SCD5: variants seen among roughly 807,000 people sequenced by gnomAD.
SCD5 encodes the protein acyl-CoA-desaturase 4.
In SCD5, 20 loss-of-function variants were observed where a neutral mutation model predicts 30.4. The ratio of observed to expected loss-of-function variants is 0.66; its 90% CI spans 0.46 to 0.96. The LOEUF is 0.96. Among genes scored for constraint, SCD5 ranks in the 40% least tolerant of loss-of-function variants. SCD5 has a pLI of 0.00. For synonymous variants in SCD5, 173 were observed against 176.4 expected (o/e 0.98, Z 0.16); for missense variants, 381 against 443.3 (o/e 0.86, Z 1.26).
chr4:82,655,358 A>C (rs947987186), intron 3 of SCD5, among the ~76,000 whole-genome samples: 2 of 152,202 alleles, frequency 1.3e-5, no homozygotes, highest in Non-Finnish European at 2.9e-5. Context: ...TATCACCAGC[A>C]GATGGTATTA....
At chr4:82,759,283 C>G (rs1721296954) in intron 1 of SCD5, among the ~76,000 whole-genome samples, 1 of 152,222 alleles carries the variant, frequency 6.6e-6, no homozygotes, top group South Asian at 2.1e-4. Context: ...ATCTTGAAGG[C>G]TGGAGGAAGG....
chr4:82,698,590 C>CA (rs747228539), intron 2 of SCD5, among the ~76,000 whole-genome samples: 1 of 152,244 alleles, frequency 6.6e-6, no homozygotes, highest in Non-Finnish European at 1.5e-5. Flanking sequence ...CTCTGCCTGA[C>CA]AGAGCCTTGC....
At chr4:82,721,827 A>T (rs1197852543) in intron 1 of SCD5, among the ~76,000 whole-genome samples, 1 of 152,250 alleles carries the variant, frequency 6.6e-6, no homozygotes, top group African/African-American at 2.4e-5. Flanking sequence ...AACTAATACA[A>T]ATGCTAAAAT....
intron 1 of SCD5, among the ~76,000 whole-genome samples, chr4:82,745,311 A>C (rs984081970): frequency 6.6e-6 from 1 of 152,126 alleles, no homozygotes; most frequent in African/African-American, 2.4e-5. Context: ...TCATGGGGAG[A>C]CTCAAAAGTC....
intron 3 of SCD5, among the ~76,000 whole-genome samples, chr4:82,640,581 G>T (rs968104921): frequency 6.6e-6 from 1 of 152,320 alleles, no homozygotes; most frequent in East Asian, 1.9e-4. Flanking sequence ...TCTGGATGCT[G>T]AACACAGTCT....
At position 82,726,469 on chromosome 4, in the gene SCD5, G is replaced by C. The variant is rs17006173; in HGVS notation, c.233-21056C>G. 2.0e-5 allele frequency among the ~76,000 whole-genome samples: 3 copies of C among 148,836 alleles called. No homozygotes were observed. In the East Asian group the frequency reaches 5.8e-4, roughly 29 times the overall value. On this transcript the variant is annotated intron_variant, in intron 1 of 4. Transcript: ENST00000319540. ...TTGGATTTTTACAGCAAGGTTAATC[G>C]GGACTTTATCAACTGGGCAAACTTG...
In SCD5 at chr4:82,798,317, G is replaced by C; in HGVS notation, c.221C>G (p.Thr74Ser). The change falls in exon 1 of 5, where the codon ACT becomes AGT. Residue 74 changes from threonine (T) to serine (S), a missense_variant. Physicochemically the swap from Thr to Ser is moderately conservative, Grantham distance 58. Coordinates refer to ENST00000319540, the MANE Select transcript of SCD5 (RefSeq NM_001037582.3). Reference sequence around the variant, plus strand: ...CCGGCGGGACTTACCCCAGAGCAGAGTGAGTGGCTTGGCTTTGGGGATGAG... The same window carrying C: ...CCGGCGGGACTTACCCCAGAGCAGACTGAGTGGCTTGGCTTTGGGGATGAG... ...LVLIPKAKPL[T>S]LLWAYFCFLL... is the part of the protein sequence containing the mutation. The C allele has an allele frequency of 6.2e-7, 1 of 1,610,406 alleles. No individual in the cohort carries two copies. The highest frequency in any genetic ancestry group is 8.5e-7 in the Non-Finnish European group (1 of 1,178,624).
At chr4:82,654,561 AG>A (rs1053933312) in intron 3 of SCD5, among the ~76,000 whole-genome samples, 1 of 152,198 alleles carries the variant, frequency 6.6e-6, no homozygotes, top group African/African-American at 2.4e-5. Flanking sequence ...CAAAGCAAAA[AG>A]GGGAGAATGT....
At chr4:82,717,326 G>A (rs1578035488) in intron 1 of SCD5, among the ~76,000 whole-genome samples, 1 of 151,632 alleles carries the variant, frequency 6.6e-6, no homozygotes, top group Non-Finnish European at 1.5e-5. Context: ...GAGGTGAAAT[G>A]GGGAAGAGCA....
intron 3 of SCD5, among the ~76,000 whole-genome samples, chr4:82,674,970 G>A (rs1421449944): frequency 6.6e-6 from 1 of 152,110 alleles, no homozygotes; most frequent in African/African-American, 2.4e-5. Context: ...GGGCTTGGGG[G>A]AAGAGAGCGA....
At chr4:82,704,497 T>C (rs1286701200) in intron 2 of SCD5, among the ~76,000 whole-genome samples, 1 of 152,196 alleles carries the variant, frequency 6.6e-6, no homozygotes, top group Non-Finnish European at 1.5e-5. Context: ...AGGTGGGGAA[T>C]GGTCTAGGAC....
chr4:82,648,641 A>G (rs1727680153), intron 3 of SCD5, among the ~76,000 whole-genome samples: 1 of 152,038 alleles, frequency 6.6e-6, no homozygotes, highest in African/African-American at 2.4e-5. Context: ...TACTTATTAA[A>G]TTTTGCTGGC....
At chr4:82,663,430 C>T (rs1728068244) in intron 3 of SCD5, among the ~76,000 whole-genome samples, 1 of 152,146 alleles carries the variant, frequency 6.6e-6, no homozygotes, top group African/African-American at 2.4e-5. Context: ...AGTGGAGACC[C>T]AGGACCCCCT....
Position 82,712,579 on chromosome 4 carries a change from G to A in SCD5, c.233-7166C>T, listed in dbSNP as rs1466953831. ...GAGCTGCCCGCCTTGGCCTCCAAAA[G>A]TGCTGGGATTACAGGCGTGAGCCAC... On this transcript the variant is annotated intron_variant, in intron 1 of 4. Transcript: ENST00000319540. 5.3e-5 allele frequency among the ~76,000 whole-genome samples: 8 copies of A among 151,650 alleles called. No homozygotes were observed. In the South Asian group the frequency reaches 1.7e-3, roughly 32 times the overall value.
chr4:82,705,222 C>T lies in SCD5; in HGVS notation c.363+61G>A. On this transcript the variant is annotated intron_variant, in intron 2 of 4. Coordinates refer to ENST00000319540, the MANE Select transcript of SCD5 (RefSeq NM_001037582.3). ...GGAGGGGTGTCAGCCCATCTTTCCC[C>T]TCCTCCCATACTGCCATCTGCACTG... The T allele has an allele frequency of 3.1e-6, 5 of 1,589,378 alleles. No individual in the cohort carries two copies. The East Asian group carries it at 6.7e-5, about 21-fold the overall frequency.
At chr4:82,749,664 G>A (rs181539494) in intron 1 of SCD5, among the ~76,000 whole-genome samples, 4 of 152,272 alleles carry the variant, frequency 2.6e-5, no homozygotes, top group South Asian at 2.1e-4. Flanking sequence ...AAACCATATC[G>A]TGAAACTAGA....
chr4:82,705,190 CA>C, intron 2 of SCD5, 92 bp downstream of exon 2: 1 of 1,493,628 alleles, frequency 6.7e-7, no homozygotes, highest in Non-Finnish European at 9.2e-7. Flanking sequence ...GAGTCTAGGA[CA>C]GGGGTGGAGG....
chr4:82,638,291 A>G (rs1727474404), intron 3 of SCD5, among the ~76,000 whole-genome samples: 1 of 152,014 alleles, frequency 6.6e-6, no homozygotes, highest in Non-Finnish European at 1.5e-5. Flanking sequence ...GCCCCCCCAA[A>G]AAAAAGCAGA....
chr4:82,747,177 C>T (rs13121984), intron 1 of SCD5, among the ~76,000 whole-genome samples: 79,708 of 151,808 alleles, frequency 0.53, 25,854 homozygotes, highest in Non-Finnish European at 0.72. Context: ...AAGGGAACTC[C>T]CCCATTTCAA....
Sources: allele counts gnomAD v4.1 joint callset (sites outside exome capture counted in the v4.1 genomes callset), GRCh38; gene constraint gnomAD v4.1.1; transcripts MANE v1.5; gene names NCBI Gene and HGNC (gene_info 2026-07-23, HGNC 2026-07-21).